Variants in CDK5RAP2 observed in about 807,000 individuals in gnomAD.
CDK5RAP2 encodes CDK5 regulatory subunit-associated protein 2.
In CDK5RAP2, 147 loss-of-function variants were observed where a neutral mutation model predicts 232.9. That is an observed-to-expected ratio of 0.63 (90% CI 0.55 to 0.72). The LOEUF is 0.72. Ranked by LOEUF, CDK5RAP2 falls within the 30% of genes least tolerant of loss-of-function variation. The pLI, the probability that CDK5RAP2 is intolerant of heterozygous loss-of-function variation, is 0.00. For missense variants in CDK5RAP2, 2,195 were observed against 2,231.5 expected, an observed-to-expected ratio of 0.98 and a Z score of 0.33; for synonymous variants, 833 against 833.7, an observed-to-expected ratio of 1.00 and a Z score of 0.01.
rs753022449 is a variant in CDK5RAP2 at position 120,400,762 on chromosome 9, A to G, written c.5431T>C (p.Cys1811Arg). 7 of 1,613,878 alleles carry G rather than the reference A, an allele frequency of 4.3e-6. No individual in the cohort carries two copies. The highest frequency in any genetic ancestry group is 5.9e-6 in the Non-Finnish European group (7 of 1,180,004). Residue 1811 changes from cysteine to arginine, a missense_variant, in exon 35 of 38, where the codon TGC becomes CGC. Cys to Arg is a radical substitution (Grantham distance 180). Coordinates refer to ENST00000349780, the MANE Select transcript of CDK5RAP2 (RefSeq NM_018249.6). ...CCTACCTGCTCACAGTGAAGGGGGC[A>G]CTGGCCATCCTCGGGGAGTGAGACT... ...WRVSLPEDGQCPLHCEQIGEM... is the reference protein window; with the variant it reads ...WRVSLPEDGQRPLHCEQIGEM...
At chr9:120,485,144 T>G (rs1197651819) in intron 14 of CDK5RAP2, among the ~76,000 whole-genome samples, 2 of 152,150 alleles carry the variant, frequency 1.3e-5, no homozygotes, top group African/African-American at 4.8e-5. Context: ...ATTACCAAAA[T>G]GCCCAGCTAG....
At chr9:120,451,800 T>C (rs559481409) in intron 21 of CDK5RAP2, among the ~76,000 whole-genome samples, 14 of 150,822 alleles carry the variant, frequency 9.3e-5, no homozygotes, top group African/African-American at 2.4e-4. Context: ...ATAAGTAAAA[T>C]GTAGGTAATA....
intron 14 of CDK5RAP2, among the ~76,000 whole-genome samples, chr9:120,486,293 A>G (rs2038596922): frequency 6.6e-6 from 1 of 152,054 alleles, no homozygotes; most frequent in Non-Finnish European, 1.5e-5. Flanking sequence ...TTATTTTGAG[A>G]ATCACCCTTC....
chr9:120,408,185 A>C lies in CDK5RAP2; in HGVS notation c.4726+162T>G. 4 of 834,592 alleles carry C rather than the reference A, an allele frequency of 4.8e-6. No individual in the cohort carries two copies. The South Asian group carries it at 5.4e-5, about 11-fold the overall frequency. The allele number at this position is 834,592 out of a possible 1,614,324, so 51.7% of individuals were successfully genotyped here. On this transcript the variant is annotated intron_variant, in intron 31 of 37. Transcript: ENST00000349780. ...CTTCTATGTTTCCTGCTGTTCCTTC[A>C]GAAGAAGAGTGGGTCAAAGAGCTAG...
chr9:120,514,174 T>C (rs992236846), intron 12 of CDK5RAP2, among the ~76,000 whole-genome samples: 3 of 152,184 alleles, frequency 2.0e-5, no homozygotes, highest in Non-Finnish European at 4.4e-5. Context: ...TGTATGTAAC[T>C]TGATGTGTAA....
chr9:120,514,643 G>A, intron 12 of CDK5RAP2, among the ~76,000 whole-genome samples: 1 of 152,108 alleles, frequency 6.6e-6, no homozygotes, highest in East Asian at 1.9e-4. Context: ...CCAGTGCCCC[G>A]TCCTTCCAGC....
chr9:120,518,210 T>TGA (rs146336954), intron 12 of CDK5RAP2, among the ~76,000 whole-genome samples: 46 of 43,978 alleles, frequency 1.0e-3, no homozygotes, highest in African/African-American at 2.0e-3. Context: ...TGTGTGTGTG[T>TGA]GAGAGAGAGA....
intron 15 of CDK5RAP2, among the ~76,000 whole-genome samples, chr9:120,477,088 T>C (rs2038055873): frequency 6.6e-6 from 1 of 152,240 alleles, no homozygotes; most frequent in Non-Finnish European, 1.5e-5. Flanking sequence ...TAATAAAGTA[T>C]TTTTAAAACC....
intron 15 of CDK5RAP2, among the ~76,000 whole-genome samples, chr9:120,472,759 G>A (rs1423049834): frequency 6.6e-6 from 1 of 152,174 alleles, no homozygotes; most frequent in African/African-American, 2.4e-5. Context: ...ACACCTCCCA[G>A]AATGTGCATT....
intron 15 of CDK5RAP2, among the ~76,000 whole-genome samples, chr9:120,476,521 T>G (rs1318636845): frequency 6.6e-6 from 1 of 151,716 alleles, no homozygotes; most frequent in East Asian, 1.9e-4. Flanking sequence ...CTACTAAAAA[T>G]GCAAAAAATT....
At chr9:120,489,911 G>A (rs889545987) in intron 13 of CDK5RAP2, among the ~76,000 whole-genome samples, 2 of 151,610 alleles carry the variant, frequency 1.3e-5, no homozygotes, top group East Asian at 1.9e-4. Flanking sequence ...GGGTTCAAGC[G>A]ATTCTCCTGC....
At chr9:120,452,184 T>C (rs1223214154) in intron 21 of CDK5RAP2, among the ~76,000 whole-genome samples, 1 of 152,008 alleles carries the variant, frequency 6.6e-6, no homozygotes, top group Non-Finnish European at 1.5e-5. Flanking sequence ...AGAGCATTTC[T>C]ATTATAGCCA....
intron 12 of CDK5RAP2, among the ~76,000 whole-genome samples, chr9:120,497,386 G>T (rs1588489617): frequency 2.8e-5 from 1 of 35,928 alleles, no homozygotes; most frequent in Non-Finnish European, 3.9e-5. Flanking sequence ...CCCTCTGTGA[G>T]AAACACCCAA....
rs370895997 is a variant in CDK5RAP2, at chr9:120,409,085, C to T, written c.4604+42G>A. On this transcript the variant is annotated intron_variant, in intron 30 of 37. Coordinates refer to ENST00000349780, the MANE Select transcript of CDK5RAP2 (RefSeq NM_018249.6). The stretch of plus-strand genomic sequence containing the variant: ...ACGACTGCAGCCCAGTGCCTGCATG[C>T]GTGGTACGGCCAGCAGGCCACCAGG... 1.3e-5 allele frequency: 21 copies of T among 1,592,660 alleles called. No individual in the cohort carries two copies. The East Asian group carries it at 1.6e-4, about 12-fold the overall frequency.
chr9:120,529,280 TG>T (rs1157809687), intron 8 of CDK5RAP2, among the ~76,000 whole-genome samples: 2 of 152,220 alleles, frequency 1.3e-5, no homozygotes, highest in Non-Finnish European at 2.9e-5. Flanking sequence ...CCAACAAGAA[TG>T]GAAGGCCTGG....
At chr9:120,551,152 G>C (rs2042027763) in intron 3 of CDK5RAP2, among the ~76,000 whole-genome samples, 2 of 151,982 alleles carry the variant, frequency 1.3e-5, no homozygotes, top group African/African-American at 4.8e-5. Context: ...AATAAAGAAA[G>C]AATTCAAAAC....
intron 29 of CDK5RAP2, 68 bp from the exon 30 acceptor site, chr9:120,409,384 AC>A: frequency 9.1e-7 from 1 of 1,096,694 alleles, no homozygotes; most frequent in South Asian, 1.3e-5. Context: ...TTATATAAAT[AC>A]AGCACTTCAA....
chr9:120,420,910 C>T (rs1404162352), intron 26 of CDK5RAP2, among the ~76,000 whole-genome samples: 5 of 152,118 alleles, frequency 3.3e-5, no homozygotes, highest in Admixed American at 1.3e-4. Context: ...TTGAGAGAGG[C>T]AGAACAGAAG....
intron 1 of CDK5RAP2, among the ~76,000 whole-genome samples, chr9:120,577,630 G>A (rs1263237876): frequency 6.6e-6 from 1 of 152,188 alleles, no homozygotes; most frequent in African/African-American, 2.4e-5. Context: ...GAGAATATTT[G>A]CTGATCTGTT....
Sources: gnomAD v4.1 joint callset for allele counts (sites outside exome capture counted in the v4.1 genomes callset) on GRCh38, gnomAD v4.1.1 for gene constraint, MANE v1.5 for transcripts, NCBI Gene and HGNC (gene_info 2026-07-23, HGNC 2026-07-21) for gene names.